The following NEGR1 variants were observed in gnomAD, a reference collection of about 807,000 sequenced individuals.
NEGR1 encodes neuronal growth regulator 1.
In NEGR1, 10 loss-of-function variants were observed where a neutral mutation model predicts 40.9. The ratio of observed to expected loss-of-function variants is 0.24; its 90% CI spans 0.15 to 0.42. The LOEUF (loss-of-function observed/expected upper bound fraction) is 0.42, where lower values mean the gene tolerates loss of function less well. NEGR1 is among the 10% of genes least tolerant of loss of function. The pLI is 1.00. For missense variants in NEGR1, 352 were observed against 438.9 expected, an observed-to-expected ratio of 0.80 and a Z score of 1.77; for synonymous variants, 185 against 166.8, an observed-to-expected ratio of 1.11 and a Z score of -0.84.
At chr1:71,591,816 A>T (rs1649509558) in intron 6 of NEGR1, among the ~76,000 whole-genome samples, 1 of 152,142 alleles carries the variant, frequency 6.6e-6, no homozygotes, top group Non-Finnish European at 1.5e-5. Context: ...TAAATCATGG[A>T]AACTTATTAC....
chr1:72,086,036 C>A (rs1648208315), intron 1 of NEGR1, among the ~76,000 whole-genome samples: 2 of 150,366 alleles, frequency 1.3e-5, no homozygotes, highest in Non-Finnish European at 1.5e-5. Context: ...CCTACACCTG[C>A]AACACTGAAA....
chr1:71,730,922 G>GTA (rs1285337979), intron 3 of NEGR1, among the ~76,000 whole-genome samples: 3 of 141,308 alleles, frequency 2.1e-5, no homozygotes, highest in Admixed American at 1.4e-4. Flanking sequence ...GTGTGTGTGT[G>GTA]TATGTAACTT....
At chr1:72,185,430 G>A (rs1190555944) in intron 1 of NEGR1, among the ~76,000 whole-genome samples, 1 of 151,848 alleles carries the variant, frequency 6.6e-6, no homozygotes, top group African/African-American at 2.4e-5. Context: ...TACACCTCTT[G>A]TGACTGACTT....
chr1:71,674,586 G>GCA (rs3220087), intron 4 of NEGR1, among the ~76,000 whole-genome samples: 57,708 of 146,578 alleles, frequency 0.39, 11,030 homozygotes, highest in Middle Eastern at 0.47. Context: ...TGCTGGGAGG[G>GCA]CACACACACA....
intron 2 of NEGR1, among the ~76,000 whole-genome samples, chr1:71,873,010 T>A (rs1256904406): frequency 6.6e-6 from 1 of 151,224 alleles, no homozygotes; most frequent in Admixed American, 6.6e-5. Flanking sequence ...CAAAATGACC[T>A]ATATTTTATG....
intron 1 of NEGR1, among the ~76,000 whole-genome samples, chr1:72,110,221 T>TAAAAAAAAAAAA (rs57618301): frequency 8.4e-5 from 9 of 106,914 alleles, no homozygotes; most frequent in Admixed American, 3.2e-4. Flanking sequence ...TAGAGTATAA[T>TAAAAAAAAAAAA]AAAAAAAAAA....
At chr1:71,713,697 C>T (rs12736274) in intron 3 of NEGR1, among the ~76,000 whole-genome samples, 2 of 152,174 alleles carry the variant, frequency 1.3e-5, no homozygotes, top group South Asian at 4.1e-4. Context: ...AGCATAGTGT[C>T]TAACAGAAAA....
intron 1 of NEGR1, among the ~76,000 whole-genome samples, chr1:72,140,905 G>C (rs1369442775): frequency 1.3e-5 from 2 of 151,752 alleles, no homozygotes; most frequent in African/African-American, 2.4e-5. Context: ...ATATGAAAAG[G>C]GAGTTAAAGT....
intron 1 of NEGR1, among the ~76,000 whole-genome samples, chr1:72,058,886 T>G (rs1055749883): frequency 4.0e-5 from 6 of 151,682 alleles, no homozygotes; most frequent in Admixed American, 2.6e-4. Context: ...ACCTCCACAC[T>G]GTAAAATGAT....
chr1:71,572,172 G>A (rs970535699), intron 6 of NEGR1, among the ~76,000 whole-genome samples: 3 of 152,128 alleles, frequency 2.0e-5, no homozygotes, highest in African/African-American at 7.2e-5. Flanking sequence ...AGCCATCTAA[G>A]CATTGGTGAC....
chr1:71,821,671 T>C (rs1322465015), intron 2 of NEGR1, among the ~76,000 whole-genome samples: 6 of 151,966 alleles, frequency 3.9e-5, no homozygotes, highest in Non-Finnish European at 8.8e-5. Flanking sequence ...ATATGATATC[T>C]GTGGCAAGTC....
chr1:71,587,952 G>T (rs954756707), intron 6 of NEGR1, among the ~76,000 whole-genome samples: 1 of 152,104 alleles, frequency 6.6e-6, no homozygotes, highest in Admixed American at 6.6e-5. Flanking sequence ...TGCTTATGCA[G>T]CTTTCTTCCA....
chr1:72,086,971 G>C (rs1041127062), intron 1 of NEGR1, among the ~76,000 whole-genome samples: 2 of 152,046 alleles, frequency 1.3e-5, no homozygotes, highest in Admixed American at 1.3e-4. Flanking sequence ...AAAACACATG[G>C]TTAGAGATTA....
At chr1:71,864,563 A>AT (rs1660057966) in intron 2 of NEGR1, among the ~76,000 whole-genome samples, 1 of 152,118 alleles carries the variant, frequency 6.6e-6, no homozygotes, top group African/African-American at 2.4e-5. Context: ...GGCAGATGGC[A>AT]TTTTTTATAT....
At chr1:71,699,823 C>G (rs1055434851) in intron 3 of NEGR1, among the ~76,000 whole-genome samples, 2 of 151,798 alleles carry the variant, frequency 1.3e-5, no homozygotes, top group African/African-American at 4.8e-5. Flanking sequence ...GGGGGCTGGT[C>G]TTTCCATGCT....
chr1:71,896,308 A>G (rs1660972353), intron 2 of NEGR1, among the ~76,000 whole-genome samples: 1 of 152,086 alleles, frequency 6.6e-6, no homozygotes, highest in Non-Finnish European at 1.5e-5. Flanking sequence ...AAATGTGTTT[A>G]ACATATTTTT....
At chr1:71,734,668 A>C (rs1167808928) in intron 3 of NEGR1, among the ~76,000 whole-genome samples, 4 of 152,124 alleles carry the variant, frequency 2.6e-5, no homozygotes, top group Non-Finnish European at 5.9e-5. Context: ...ACTTCCTTAA[A>C]GACTAGTCTC....
At chr1:72,176,202 T>A (rs2630410) in intron 1 of NEGR1, among the ~76,000 whole-genome samples, 2 of 152,178 alleles carry the variant, frequency 1.3e-5, no homozygotes, top group South Asian at 4.2e-4. Flanking sequence ...TAGAATTTTA[T>A]GCAAAATTTT....
chr1:71,611,118 A>G lies in NEGR1; in HGVS notation c.696T>C (p.Ser232=), dbSNP rs1650235419. The change falls in exon 5 of 7, where the codon TCT becomes TCC. Residue 232 remains serine (S), a synonymous_variant. Coordinates refer to ENST00000357731, the MANE Select transcript of NEGR1 (RefSeq NM_173808.3). The part of the protein sequence containing the change: ...NFAPTIQEIK[S]GTVTPGRSGL... ...CACTGCGTCCGGGGGTCACGGTGCC[A>G]GATTTAATTTCCTGAATAGTAGGAG... is the stretch of plus-strand genomic sequence containing the variant. 2 of 1,613,834 alleles carry G rather than the reference A, an allele frequency of 1.2e-6. No homozygotes were observed. Among genetic ancestry groups the G allele is most frequent in the Non-Finnish European group, 1.7e-6 (2 of 1,179,894 alleles).
Sources: allele counts gnomAD v4.1 joint callset (sites outside exome capture counted in the v4.1 genomes callset), GRCh38; gene constraint gnomAD v4.1.1; transcripts MANE v1.5; gene names NCBI Gene and HGNC (gene_info 2026-07-23, HGNC 2026-07-21).